FAM193B: variants seen among roughly 807,000 people sequenced by gnomAD.
FAM193B encodes family with sequence similarity 193 member B.
A neutral mutation model predicts 70.7 loss-of-function variants in FAM193B; 27 were observed. The ratio of observed to expected loss-of-function variants is 0.38; its 90% CI spans 0.28 to 0.53. The LOEUF (loss-of-function observed/expected upper bound fraction) is 0.53. Ranked by LOEUF, FAM193B falls within the 20% of genes least tolerant of loss-of-function variation. The pLI is 0.81. For synonymous variants in FAM193B, 448 were observed against 436.0 expected (o/e 1.03, Z -0.34); for missense variants, 1,022 against 1,072.5 (o/e 0.95, Z 0.66).
chr5:177,550,242 CA>C (rs1561790451), intron 1 of FAM193B, among the ~76,000 whole-genome samples: 1 of 152,132 alleles, frequency 6.6e-6, no homozygotes, highest in African/African-American at 2.4e-5. Flanking sequence ...TACTGGCTTA[CA>C]AAGAAGAACC....
intron 8 of FAM193B, among the ~76,000 whole-genome samples, chr5:177,521,208 C>T (rs1761679810): frequency 6.6e-6 from 1 of 152,242 alleles, no homozygotes; most frequent in African/African-American, 2.4e-5. Flanking sequence ...TGCAGAGCCA[C>T]TCAGCCCCCA....
At chr5:177,546,958 C>A (rs567329461) in intron 1 of FAM193B, among the ~76,000 whole-genome samples, 1 of 152,356 alleles carries the variant, frequency 6.6e-6, no homozygotes, top group African/African-American at 2.4e-5. Context: ...GCTACTCTAA[C>A]CCCAGCACAC....
intron 5 of FAM193B, among the ~76,000 whole-genome samples, chr5:177,527,506 T>C (rs548713178): frequency 1.4e-4 from 22 of 152,270 alleles, no homozygotes; most frequent in African/African-American, 4.3e-4. Context: ...CAGAGAAACA[T>C]TGATGGCCAC....
chr5:177,524,224 G>C lies in FAM193B; in HGVS notation c.2257C>G (p.Arg753Gly), dbSNP rs1227372654. 1.3e-6 allele frequency: 2 copies of C among 1,546,688 alleles called. No homozygotes were observed. Among genetic ancestry groups the C allele is most frequent in the African/African-American group, 1.4e-5 (1 of 72,930 alleles). ...GGCTTCTCCTGCTTGTTGCGGCTCC[G>C]GCGGCTGCGGCCCTTGCCCTGGGGC... ...SLPQGKGRSR[R>G]SRNKQEKPAS... The change falls in exon 6 of 9, where the codon CGG becomes GGG. Residue 753 changes from arginine (R) to glycine (G), a missense_variant. Transcript: ENST00000514747.
At chr5:177,546,797 C>G (rs551501823) in intron 1 of FAM193B, among the ~76,000 whole-genome samples, 2 of 152,314 alleles carry the variant, frequency 1.3e-5, no homozygotes, top group Admixed American at 1.3e-4. Context: ...GAGTGAGTCT[C>G]TCTGATCCTA....
rs1450257329 is a variant in FAM193B at position 177,538,032 on chromosome 5, A to T, written c.529T>A (p.Ser177Thr). ...DSHSSSSSSS[S>T]SSSSSSSSCP... ...GAAGAGGAGGACGAGGATGAGGATG[A>T]TGAGGAGGAAGACGAGGACGAATGA... Residue 177 changes from serine to threonine, a missense_variant, in exon 3 of 9, where the codon TCA becomes ACA. Ser to Thr is a moderately conservative substitution (Grantham distance 58). Transcript: ENST00000514747. This position sits in a 1 kb window ranked among gnomAD's most constrained non-coding sequence, Gnocchi z 4.1. The T allele has an allele frequency of 6.4e-7, 1 of 1,554,370 alleles. No individual in the cohort carries two copies. Among genetic ancestry groups the T allele is most frequent in the Admixed American group, 2.0e-5 (1 of 51,062 alleles).
chr5:177,553,074 C>A (rs920211424), intron 1 of FAM193B: 15 of 612,006 alleles, frequency 2.5e-5, no homozygotes, highest in African/African-American at 4.0e-5. Flanking sequence ...GAGGGAGGCA[C>A]AGAGGGCTGT....
rs1294380023 is a variant in FAM193B, at chr5:177,536,560, C to G, written c.874G>C (p.Glu292Gln). The change falls in exon 4 of 9, where the codon GAG becomes CAG. Residue 292 changes from glutamate to glutamine, a missense_variant. By Grantham distance (29) the Glu-to-Gln change is conservative. Transcript: ENST00000514747. ...GCAGTGGCAGCAGCAACAGGGCACT[C>G]TGAAGCCTGGGCAGGGAAAGGTGCT... ...PAAPFPAQAS[E>Q]CPVAAATAPH... 1.3e-6 allele frequency: 2 copies of G among 1,537,320 alleles called. No individual in the cohort carries two copies. The highest frequency in any genetic ancestry group is 2.4e-5 in the East Asian group (1 of 41,474).
Position 177,554,485 on chromosome 5 carries a change from C to T in FAM193B, c.-27G>A. The T allele has an allele frequency of 1.4e-6, 1 of 729,762 alleles. No individual in the cohort carries two copies. Among genetic ancestry groups the T allele is most frequent in the South Asian group, 7.1e-5 (1 of 14,124 alleles). The allele number at this position is 729,762 out of a possible 1,614,324, so 45.2% of individuals were successfully genotyped here. ...CCGCCGCTCGCGCCGCTCCCTCGCT[C>T]CACACGCCGCCGCCGCCGCCGCCGC... is the stretch of plus-strand genomic sequence containing the variant. On this transcript the variant is annotated 5_prime_UTR_variant, in exon 1 of 9. Transcript: ENST00000514747.
At chr5:177,536,242 T>C in intron 4 of FAM193B, 116 bp downstream of exon 4, 3 of 1,164,660 alleles carry the variant, frequency 2.6e-6, no homozygotes, top group Non-Finnish European at 3.7e-6. Context: ...AATTGAAAAA[T>C]AATGAAAGGA....
chr5:177,553,107 G>T, intron 1 of FAM193B: 1 of 914,508 alleles, frequency 1.1e-6, no homozygotes, highest in Non-Finnish European at 1.3e-6. Context: ...GGCACCTGAC[G>T]CAACTGGGGA....
chr5:177,546,172 T>C (rs1765401100), intron 1 of FAM193B, among the ~76,000 whole-genome samples: 1 of 152,266 alleles, frequency 6.6e-6, no homozygotes, highest in Middle Eastern at 3.2e-3. Context: ...TTGTGCTAAG[T>C]GCCGGGAAAC....
In FAM193B at chr5:177,546,999, T is replaced by G. The variant is rs546544712; in HGVS notation, c.210+7250A>C. 7.9e-5 allele frequency among the ~76,000 whole-genome samples: 12 copies of G among 152,302 alleles called. No individual in the cohort carries two copies. The East Asian group carries it at 1.9e-3, about 24-fold the overall frequency. ...TCATGGAGGAGGAAGAGCATGAATTTTGGGGACGAGACACACAGTTGTGAG... is the reference window on the plus strand; with the variant it reads ...TCATGGAGGAGGAAGAGCATGAATTGTGGGGACGAGACACACAGTTGTGAG... On this transcript the variant is annotated intron_variant, in intron 1 of 8. Coordinates refer to ENST00000514747, the MANE Select transcript of FAM193B (RefSeq NM_001190946.3).
At position 177,536,417 on chromosome 5, in the gene FAM193B, C is replaced by T. The variant is rs1332725915; in HGVS notation, c.1017G>A (p.Gly339=). 6.9e-6 allele frequency: 11 copies of T among 1,605,632 alleles called. No individual in the cohort carries two copies. In the South Asian group the frequency reaches 1.1e-4, roughly 16 times the overall value. ...CSHPCSGHCG[G]HCSGPLLPPP... ...GTGGGAGGAGAGGCCCACTGCAGTG[C>T]CCACCACAGTGCCCGCTGCAGGGGT... The change falls in exon 4 of 9, where the codon GGG becomes GGA. Residue 339 remains glycine, a synonymous_variant. Transcript: ENST00000514747.
At chr5:177,520,300 C>T (rs957592780) in intron 8 of FAM193B, 119 bp from the exon 9 acceptor site, 2 of 152,226 alleles carry the variant, frequency 1.3e-5, no homozygotes, top group South Asian at 4.1e-4. Context: ...TATTTTTGTT[C>T]CCTGGGCTGA....
At chr5:177,536,228 T>C in intron 4 of FAM193B, 130 bp downstream of exon 4, 1 of 1,093,734 alleles carries the variant, frequency 9.1e-7, no homozygotes, top group East Asian at 2.6e-5. Flanking sequence ...ACATACTTCT[T>C]TACAATTGAA....
Position 177,539,034 on chromosome 5 carries a change from C to A in FAM193B, c.324G>T (p.Lys108Asn). The A allele has an allele frequency of 6.2e-7, 1 of 1,614,048 alleles. No homozygotes were observed. The highest frequency in any genetic ancestry group is 8.5e-7 in the Non-Finnish European group (1 of 1,179,904). ...GCTTTGGCATGAAGTCAGGGGGCAG[C>A]TTCTCACCCTGCAACACCAGTCCAT... is the stretch of plus-strand genomic sequence containing the variant. ...SQNGLVLQGE[K>N]LPPDFMPKLV... The change falls in exon 2 of 9, where the codon AAG becomes AAT. Residue 108 changes from lysine to asparagine, a missense_variant. Physicochemically the swap from Lys to Asn is moderately conservative, Grantham distance 94 (BLOSUM62 0). Transcript: ENST00000514747.
At chr5:177,534,066 G>C (rs998886358) in intron 4 of FAM193B, among the ~76,000 whole-genome samples, 1 of 152,226 alleles carries the variant, frequency 6.6e-6, no homozygotes, top group African/African-American at 2.4e-5. Context: ...CCCAACGCTG[G>C]GCTGAGGCTG....
chr5:177,549,588 G>A (rs1295155626), intron 1 of FAM193B, among the ~76,000 whole-genome samples: 1 of 152,226 alleles, frequency 6.6e-6, no homozygotes, highest in Non-Finnish European at 1.5e-5. Context: ...TTTATTCAGA[G>A]GAAGCCGATG....
Sources: gnomAD v4.1 joint callset for allele counts (sites outside exome capture counted in the v4.1 genomes callset) on GRCh38, gnomAD v4.1.1 for gene constraint, Gnocchi (gnomAD v3.1) non-coding constraint, MANE v1.5 for transcripts, NCBI Gene and HGNC (gene_info 2026-07-23, HGNC 2026-07-21) for gene names.